The following FCHSD2 variants were observed in gnomAD, a reference collection of about 807,000 sequenced individuals.
The protein encoded by FCHSD2 is FCH and double SH3 domains 2.
Under a neutral mutation model 108.1 loss-of-function variants are expected in FCHSD2, and 38 were observed. The ratio of observed to expected loss-of-function variants is 0.35; its 90% CI spans 0.27 to 0.46. The LOEUF is 0.46. Ranked by LOEUF, FCHSD2 falls within the 20% of genes least tolerant of loss-of-function variation. FCHSD2 has a pLI of 1.00. For missense variants in FCHSD2, 751 were observed against 897.8 expected, an observed-to-expected ratio of 0.84 and a Z score of 2.09; for synonymous variants, 279 against 314.7, an observed-to-expected ratio of 0.89 and a Z score of 1.20.
chr11:72,927,773 T>A (rs907866178), intron 8 of FCHSD2, among the ~76,000 whole-genome samples: 5 of 152,076 alleles, frequency 3.3e-5, no homozygotes, highest in African/African-American at 1.2e-4. Context: ...GGAAGGAGAG[T>A]GGCTGCAGGC....
intron 8 of FCHSD2, among the ~76,000 whole-genome samples, chr11:72,942,812 C>T (rs984845096): frequency 6.6e-6 from 1 of 152,092 alleles, no homozygotes; most frequent in Non-Finnish European, 1.5e-5. Flanking sequence ...CACAGGGTCT[C>T]GCTCTATCAC....
At chr11:72,861,747 T>C (rs541431846) in intron 13 of FCHSD2, among the ~76,000 whole-genome samples, 1 of 152,126 alleles carries the variant, frequency 6.6e-6, no homozygotes, top group East Asian at 1.9e-4. Flanking sequence ...CTGACCGACA[T>C]AGAGAAACCC....
chr11:72,877,952 G>A (rs1013237300), intron 12 of FCHSD2, among the ~76,000 whole-genome samples: 2 of 152,122 alleles, frequency 1.3e-5, no homozygotes, highest in African/African-American at 4.8e-5. Flanking sequence ...GCTGCAATGA[G>A]TGCCACTGCA....
intron 8 of FCHSD2, among the ~76,000 whole-genome samples, chr11:72,980,764 G>C (rs7128993): frequency 0.034 from 5,055 of 150,544 alleles, 283 homozygotes; most frequent in African/African-American, 0.12. Context: ...ATATGTGTAT[G>C]TATATATATA....
chr11:73,120,109 A>G (rs1306778108), intron 2 of FCHSD2, among the ~76,000 whole-genome samples: 1 of 152,096 alleles, frequency 6.6e-6, no homozygotes, highest in Non-Finnish European at 1.5e-5. Flanking sequence ...CACCAAGAAC[A>G]GCACGGTGGA....
chr11:72,838,521 G>C lies in FCHSD2; in HGVS notation c.*270C>G, dbSNP rs1056338444. The C allele has an allele frequency of 5.5e-5, 28 of 507,332 alleles. No individual in the cohort carries two copies. In the Admixed American group the frequency reaches 8.7e-4, roughly 16 times the overall value. The allele number at this position is 507,332 out of a possible 1,614,324, so 31.4% of individuals were successfully genotyped here. On this transcript the variant is annotated 3_prime_UTR_variant, in exon 20 of 20. Coordinates refer to ENST00000409418, the MANE Select transcript of FCHSD2 (RefSeq NM_014824.3). ...CTCATATAAAAACAGACCACTGTTAGGCATGAGGGCTGCCCCCCTCTTTGC... is the reference window on the plus strand; with the variant it reads ...CTCATATAAAAACAGACCACTGTTACGCATGAGGGCTGCCCCCCTCTTTGC...
chr11:73,121,351 C>T lies in FCHSD2; in HGVS notation c.119+18680G>A, dbSNP rs1860730304. On this transcript the variant is annotated intron_variant, in intron 2 of 19. Transcript: ENST00000409418. Reference sequence around the variant, plus strand: ...CTAGTAAACCAGATAGTCCATTATTCCCACTCTACACAGATGAAGGACACT... The same window carrying T: ...CTAGTAAACCAGATAGTCCATTATTTCCACTCTACACAGATGAAGGACACT... 2.6e-5 allele frequency among the ~76,000 whole-genome samples: 4 copies of T among 151,954 alleles called. No individual in the cohort carries two copies. In the South Asian group the frequency reaches 8.3e-4, roughly 32 times the overall value.
intron 3 of FCHSD2, among the ~76,000 whole-genome samples, chr11:73,028,281 A>T (rs1271068501): frequency 6.6e-6 from 1 of 152,210 alleles, no homozygotes; most frequent in Non-Finnish European, 1.5e-5. Context: ...GGGAGCCCAC[A>T]TCTTGCAACA....
chr11:72,934,503 G>C (rs1856261835), intron 8 of FCHSD2, among the ~76,000 whole-genome samples: 1 of 151,832 alleles, frequency 6.6e-6, no homozygotes, highest in African/African-American at 2.4e-5. Context: ...GGTAATTTTT[G>C]TATTTATTAA....
chr11:73,087,172 G>A (rs984601334), intron 2 of FCHSD2, among the ~76,000 whole-genome samples: 1 of 152,022 alleles, frequency 6.6e-6, no homozygotes. Flanking sequence ...GTAGGCCTAG[G>A]TTAATGTATG....
chr11:72,841,533 G>A lies in FCHSD2; in HGVS notation c.1977C>T (p.Tyr659=), dbSNP rs1343866344. 23 of 1,610,988 alleles carry A rather than the reference G, an allele frequency of 1.4e-5. No homozygotes were observed. Among genetic ancestry groups the A allele is most frequent in the Admixed American group, 5.1e-5 (3 of 59,396 alleles). The stretch of plus-strand genomic sequence containing the variant: ...GGTAGGGGCTGCTGGGAGGCTGGTC[G>A]TACAACGGCAGTGGAGGCAGGGAGG... ...PHASLPPLPL[Y]DQPPSSPYPS... The change falls in exon 18 of 20, where the codon TAC becomes TAT. Residue 659 remains tyrosine, a synonymous_variant. Coordinates refer to ENST00000409418, the MANE Select transcript of FCHSD2 (RefSeq NM_014824.3).
chr11:72,921,989 T>C, intron 8 of FCHSD2, 39 bp from the exon 9 acceptor site: 1 of 1,479,648 alleles, frequency 6.8e-7, no homozygotes, highest in East Asian at 2.4e-5. Flanking sequence ...AAAATTACAG[T>C]AAAGCCTTGA....
chr11:72,918,704 T>C (rs982548246), intron 9 of FCHSD2, among the ~76,000 whole-genome samples: 8 of 152,226 alleles, frequency 5.3e-5, no homozygotes, highest in African/African-American at 1.9e-4. Context: ...AAATTAATTT[T>C]CAAATAAATG....
intron 14 of FCHSD2, among the ~76,000 whole-genome samples, chr11:72,847,695 T>C (rs1435931118): frequency 6.7e-6 from 1 of 148,640 alleles, no homozygotes; most frequent in Non-Finnish European, 1.5e-5. Context: ...CTAACCTTTT[T>C]TTTTTTTTTT....
intron 3 of FCHSD2, among the ~76,000 whole-genome samples, chr11:73,031,847 G>A (rs1242900610): frequency 2.6e-5 from 4 of 152,160 alleles, no homozygotes; most frequent in African/African-American, 9.7e-5. Context: ...TGCTTAACAA[G>A]TTTTATTAAG....
At chr11:73,053,025 T>G (rs187130587) in intron 3 of FCHSD2, among the ~76,000 whole-genome samples, 443 of 152,120 alleles carry the variant, frequency 2.9e-3, no homozygotes, top group Non-Finnish European at 3.9e-3. Flanking sequence ...TTTTGTATTT[T>G]TAGTAAGATG....
At chr11:72,881,913 G>C (rs1855096544) in intron 12 of FCHSD2, among the ~76,000 whole-genome samples, 1 of 152,126 alleles carries the variant, frequency 6.6e-6, no homozygotes, top group Non-Finnish European at 1.5e-5. Flanking sequence ...AGGCCGAGGG[G>C]GGCGAATCAT....
intron 8 of FCHSD2, among the ~76,000 whole-genome samples, chr11:72,942,854 T>A (rs1471500262): frequency 6.6e-6 from 1 of 152,174 alleles, no homozygotes; most frequent in Non-Finnish European, 1.5e-5. Flanking sequence ...TGATCATAGT[T>A]CGCAGCTTCA....
intron 4 of FCHSD2, among the ~76,000 whole-genome samples, chr11:73,002,080 G>A (rs1463827757): frequency 6.6e-6 from 1 of 152,044 alleles, no homozygotes; most frequent in East Asian, 1.9e-4. Flanking sequence ...TCCCTTTTGT[G>A]GGAAATCCAT....
Sources: allele counts gnomAD v4.1 joint callset (sites outside exome capture counted in the v4.1 genomes callset), GRCh38; gene constraint gnomAD v4.1.1; transcripts MANE v1.5; gene names NCBI Gene and HGNC (gene_info 2026-07-23, HGNC 2026-07-21).